Variants in WNK1 observed in about 807,000 individuals in gnomAD.
WNK1 encodes WNK lysine deficient protein kinase 1, also known as serine/threonine-protein kinase WNK1.
In WNK1, 38 loss-of-function variants were observed where a neutral mutation model predicts 222.8. The observed-to-expected ratio is 0.17, with a 90% CI of 0.13 to 0.22. The LOEUF is 0.22. WNK1 is among the 10% of genes least tolerant of loss of function. WNK1 has a pLI of 1.00. For missense variants in WNK1, 2,348 were observed against 2,918.4 expected (o/e 0.80, Z 4.50); for synonymous variants, 1,090 against 1,092.9 (o/e 1.00, Z 0.05).
At chr12:787,625 T>TA (rs1360441733) in intron 1 of WNK1, among the ~76,000 whole-genome samples, 1 of 152,102 alleles carries the variant, frequency 6.6e-6, no homozygotes, top group Non-Finnish European at 1.5e-5. Flanking sequence ...TCTGTGTGTT[T>TA]AAAAAAAATC....
At position 911,354 on chromosome 12, in the gene WNK1, G is replaced by T. The variant is rs773462361; in HGVS notation, c.*2562G>T. On this transcript the variant is annotated 3_prime_UTR_variant, in exon 28 of 28. Transcript: ENST00000315939. ...TGTACATTTTGCACTAACTCTGGGT[G>T]TTGCGCTTCTTGTAAGATTGCGCTT... 5.0e-6 allele frequency: 2 copies of T among 398,504 alleles called. No homozygotes were observed. The highest frequency in any genetic ancestry group is 4.1e-5 in the African/African-American group (2 of 48,630). 24.7% of individuals were successfully genotyped at this position (398,504 alleles called of 1,614,324 possible).
intron 25 of WNK1, among the ~76,000 whole-genome samples, chr12:897,913 A>G (rs905371236): frequency 7.2e-5 from 11 of 152,176 alleles, no homozygotes; most frequent in African/African-American, 2.4e-4. Context: ...CCATATTGCT[A>G]TCTACTGGTA....
At chr12:894,964 TG>T (rs1954609928) in intron 23 of WNK1, among the ~76,000 whole-genome samples, 1 of 152,212 alleles carries the variant, frequency 6.6e-6, no homozygotes, top group Non-Finnish European at 1.5e-5. Context: ...CTGTTCCAAA[TG>T]TTACAGCTTT....
intron 1 of WNK1, among the ~76,000 whole-genome samples, chr12:782,837 AAAAC>A (rs1292801828): frequency 6.6e-6 from 1 of 151,924 alleles, no homozygotes; most frequent in Non-Finnish European, 1.5e-5. Flanking sequence ...CATTTAAAAA[AAAAC>A]AGGTGGAATT....
Position 885,627 on chromosome 12 carries a change from C to A in WNK1, c.4823C>A (p.Ala1608Asp). The change falls in exon 19 of 28, where the codon GCC becomes GAC. Residue 1608 changes from alanine (A) to aspartate (D), a missense_variant. By Grantham distance (126) the Ala-to-Asp change is moderately radical (BLOSUM62 -2). Transcript: ENST00000315939. ...ATCCCACCCTTGGTACAGCCTGTTG[C>A]CAATGTGCCTGCTGTACAGCAGACA... The part of the protein sequence containing the change: ...PSIPPLVQPV[A>D]NVPAVQQTLI... 1.2e-6 allele frequency: 2 copies of A among 1,614,138 alleles called. No homozygotes were observed. Among genetic ancestry groups the A allele is most frequent in the Non-Finnish European group, 1.7e-6 (2 of 1,180,014 alleles).
At chr12:866,104 C>T (rs1259476921) in intron 8 of WNK1, among the ~76,000 whole-genome samples, 2 of 152,094 alleles carry the variant, frequency 1.3e-5, no homozygotes, top group Non-Finnish European at 2.9e-5. Context: ...AGTTAACTTT[C>T]TGAACTAGCA....
chr12:845,173 G>A (rs1222740631), intron 4 of WNK1, among the ~76,000 whole-genome samples: 1 of 152,130 alleles, frequency 6.6e-6, no homozygotes, highest in Non-Finnish European at 1.5e-5. Context: ...GGGATTACAG[G>A]CGTGAGCCAC....
At position 910,700 on chromosome 12, in the gene WNK1, AC is replaced by A. The variant is rs948376055; in HGVS notation, c.*1910del. ...TCAATGGCATATTCTGGGAATCACC[AC>A]CACCACCACCACTACCACAGAAAGA... On this transcript the variant is annotated 3_prime_UTR_variant, in exon 28 of 28. Transcript: ENST00000315939. The A allele has an allele frequency of 1.3e-5, 2 of 152,500 alleles. No homozygotes were observed. The highest frequency in any genetic ancestry group is 2.9e-5 in the Non-Finnish European group (2 of 68,182). The allele number at this position is 152,500 out of a possible 1,614,324, so 9.4% of individuals were successfully genotyped here.
chr12:858,789 T>A (rs1427857314), intron 5 of WNK1, among the ~76,000 whole-genome samples: 1 of 152,122 alleles, frequency 6.6e-6, no homozygotes, highest in Non-Finnish European at 1.5e-5. Flanking sequence ...AAATTGGGTG[T>A]TGGTCAGACA....
chr12:825,936 T>G (rs1167900481), intron 2 of WNK1, among the ~76,000 whole-genome samples: 1 of 152,228 alleles, frequency 6.6e-6, no homozygotes, highest in Non-Finnish European at 1.5e-5. Context: ...AATCCCCAGA[T>G]GTATCTTTTC....
chr12:900,768 C>T (rs1363553931), intron 26 of WNK1, 98 bp downstream of exon 26: 2 of 1,390,712 alleles, frequency 1.4e-6, no homozygotes, highest in Non-Finnish European at 2.0e-6. Flanking sequence ...ACTAGCTGAC[C>T]AGAACACAGC....
chr12:780,289 G>A (rs772322799), intron 1 of WNK1, among the ~76,000 whole-genome samples: 41 of 152,242 alleles, frequency 2.7e-4, no homozygotes, highest in Non-Finnish European at 4.6e-4. Flanking sequence ...AATGATAACC[G>A]TTAAAATACA....
rs1358353461 is a variant in WNK1, at chr12:868,906, C to A, written c.2140-2359C>A. 1 of 1,600,102 alleles carries A rather than the reference C, an allele frequency of 6.2e-7. No homozygotes were observed. Among genetic ancestry groups the A allele is most frequent in the African/African-American group, 1.3e-5 (1 of 74,498 alleles). On this transcript the variant is annotated intron_variant, in intron 8 of 27. Coordinates refer to ENST00000315939, the MANE Select transcript of WNK1 (RefSeq NM_018979.4). Reference sequence around the variant, plus strand: ...ATTCCTCACAAATCACTTCTTCAGACCCCAGTGATTTTCAGTCACCTCCCC... The same window carrying A: ...ATTCCTCACAAATCACTTCTTCAGAACCCAGTGATTTTCAGTCACCTCCCC...
chr12:901,929 G>C (rs960299867), intron 26 of WNK1, among the ~76,000 whole-genome samples: 2 of 152,140 alleles, frequency 1.3e-5, no homozygotes, highest in Non-Finnish European at 2.9e-5. Flanking sequence ...GCAATAGATT[G>C]CTGGGTCATT....
intron 22 of WNK1, 127 bp downstream of exon 22, chr12:890,640 C>T: frequency 2.1e-6 from 2 of 973,616 alleles, no homozygotes; most frequent in Non-Finnish European, 3.2e-6. Flanking sequence ...GTAGTAATAT[C>T]TAAAGCTTGA....
rs564744032 is a variant in WNK1, at chr12:827,980, A to G, written c.1153+718A>G. Among the ~76,000 whole-genome samples, 2 of 152,148 alleles carry G rather than the reference A, an allele frequency of 1.3e-5. No individual in the cohort carries two copies. Among genetic ancestry groups the G allele is most frequent in the African/African-American group, 4.8e-5 (2 of 41,526 alleles). ...AAAATTAAATTTTTAAACATATAAA[A>G]TGTCTGTTGGATATATATGTATATT... On this transcript the variant is annotated intron_variant, in intron 3 of 27. Transcript: ENST00000315939. The surrounding 1 kb of genome is among the most constrained non-coding windows in gnomAD (Gnocchi z 4.6).
At chr12:785,481 G>A (rs1156344801) in intron 1 of WNK1, among the ~76,000 whole-genome samples, 1 of 132,800 alleles carries the variant, frequency 7.5e-6, no homozygotes, top group Non-Finnish European at 1.5e-5. Flanking sequence ...GCTCACTGCA[G>A]CCTCCACCTC....
At chr12:798,839 C>G (rs1945595433) in intron 1 of WNK1, among the ~76,000 whole-genome samples, 1 of 152,118 alleles carries the variant, frequency 6.6e-6, no homozygotes, top group Admixed American at 6.5e-5. Context: ...CTCCCCATCT[C>G]CTAGATATTT....
Position 878,217 on chromosome 12 carries a change from G to A in WNK1, c.2229G>A (p.Gln743=). The change falls in exon 10 of 28, where the codon CAG becomes CAA. Residue 743 remains glutamine, a synonymous_variant. Transcript: ENST00000315939. ...TCATTGTATTTTATTCTTAGCAGCA[G>A]GGAATACAGCAGACAGCCCCTCCTC... The part of the protein sequence containing the change: ...SQPIQHPQQQ[Q]GIQQTAPPQQ... 1 of 1,614,118 alleles carries A rather than the reference G, an allele frequency of 6.2e-7. No homozygotes were observed. The highest frequency in any genetic ancestry group is 8.5e-7 in the Non-Finnish European group (1 of 1,180,012).
Sources: allele counts gnomAD v4.1 joint callset (sites outside exome capture counted in the v4.1 genomes callset), GRCh38; gene constraint gnomAD v4.1.1; non-coding constraint Gnocchi (gnomAD v3.1); transcripts MANE v1.5; gene names NCBI Gene and HGNC (gene_info 2026-07-23, HGNC 2026-07-21).